The following LDLRAD4 variants were observed in gnomAD, a reference collection of about 807,000 sequenced individuals.
LDLRAD4 encodes low density lipoprotein receptor class A domain containing 4, also known as low-density lipoprotein receptor class A domain-containing protein 4.
In LDLRAD4, 5 loss-of-function variants were observed where a neutral mutation model predicts 17.0. That is an observed-to-expected ratio of 0.29 (90% CI 0.15 to 0.62). LDLRAD4 has a LOEUF of 0.62. LDLRAD4 is among the 20% of genes least tolerant of loss of function. The pLI is 0.84. For missense variants in LDLRAD4, 340 were observed against 424.7 expected (o/e 0.80, Z 1.75); for synonymous variants, 168 against 171.8 (o/e 0.98, Z 0.17).
chr18:13,379,197 C>T (rs2085152156), intron 1 of LDLRAD4, among the ~76,000 whole-genome samples: 1 of 152,204 alleles, frequency 6.6e-6, no homozygotes, highest in South Asian at 2.1e-4. Context: ...GACTTTTGTC[C>T]TCTGGCCCCT....
At chr18:13,252,735 G>C (rs1201333748) in intron 1 of LDLRAD4, among the ~76,000 whole-genome samples, 1 of 152,230 alleles carries the variant, frequency 6.6e-6, no homozygotes, top group African/African-American at 2.4e-5. Context: ...GCTTCTGTGA[G>C]GTCAAGGCCT....
At chr18:13,482,144 G>C (rs1347201136) in intron 3 of LDLRAD4, among the ~76,000 whole-genome samples, 1 of 152,116 alleles carries the variant, frequency 6.6e-6, no homozygotes, top group Non-Finnish European at 1.5e-5. Context: ...GGGAAGCCTG[G>C]CCTGTAGTGA....
chr18:13,253,189 G>A (rs947198657), intron 1 of LDLRAD4, among the ~76,000 whole-genome samples: 6 of 152,098 alleles, frequency 3.9e-5, no homozygotes, highest in East Asian at 1.9e-4. Context: ...GTCAGGACCC[G>A]AGAAGGTGAC....
At chr18:13,240,913 T>A (rs964172081) in intron 1 of LDLRAD4, 9 of 152,346 alleles carry the variant, frequency 5.9e-5, no homozygotes, top group Non-Finnish European at 1.2e-4. Flanking sequence ...GAGGCGGGCT[T>A]TTTTTTTCTT....
At chr18:13,472,582 T>C (rs2092810383) in intron 3 of LDLRAD4, 1 of 152,230 alleles carries the variant, frequency 6.6e-6, no homozygotes, top group Admixed American at 6.5e-5. Context: ...GGCGGCCTCC[T>C]CTGTCCTGTT....
intron 1 of LDLRAD4, among the ~76,000 whole-genome samples, chr18:13,258,225 A>G (rs1338137408): frequency 1.3e-5 from 2 of 152,238 alleles, no homozygotes; most frequent in Non-Finnish European, 1.5e-5. Flanking sequence ...GAAAATTCCT[A>G]AATTCTAAAT....
intron 3 of LDLRAD4, among the ~76,000 whole-genome samples, chr18:13,557,486 C>T (rs12969781): frequency 0.25 from 37,724 of 152,068 alleles, 5,782 homozygotes; most frequent in East Asian, 0.37. Context: ...CTGCAAGCTC[C>T]GCCTCCCAGG....
At chr18:13,305,682 G>A (rs894336611) in intron 1 of LDLRAD4, among the ~76,000 whole-genome samples, 1 of 152,180 alleles carries the variant, frequency 6.6e-6, no homozygotes, top group African/African-American at 2.4e-5. Context: ...ATTGAGGTTG[G>A]CAGCTGTGGT....
At chr18:13,606,507 C>A (rs1410433980) in intron 3 of LDLRAD4, among the ~76,000 whole-genome samples, 1 of 152,174 alleles carries the variant, frequency 6.6e-6, no homozygotes, top group South Asian at 2.1e-4. Flanking sequence ...TGTTAACATT[C>A]CTACCAGACG....
exon 6 of LDLRAD4, chr18:13,652,293 T>A (rs942456410): frequency 6.6e-6 from 1 of 152,268 alleles, no homozygotes; most frequent in African/African-American, 2.4e-5. Context: ...GGTATGTTGC[T>A]ATTTTTCATT....
At position 13,612,975 on chromosome 18, in the gene LDLRAD4, A is replaced by G. The variant is rs1045109840; in HGVS notation, c.182-8142A>G. 3.9e-5 allele frequency: 22 copies of G among 565,436 alleles called. No homozygotes were observed. The Middle Eastern group carries it at 1.3e-3, about 33-fold the overall frequency. The allele number at this position is 565,436 out of a possible 1,614,324, so 35.0% of individuals were successfully genotyped here. A position where few individuals can be genotyped will look rare whatever the true frequency, so the allele number is the denominator to read the frequency against. The stretch of plus-strand genomic sequence containing the variant: ...AGGAAGATGCATGTCAGGCTTTTTC[A>G]TCTTCTTTCAAGCCTGGAATTAGTT... On this transcript the variant is annotated intron_variant, in intron 3 of 5. Coordinates refer to ENST00000359446, the Ensembl canonical transcript of LDLRAD4.
intron 3 of LDLRAD4, chr18:13,526,410 G>T (rs977698540): frequency 3.3e-5 from 5 of 152,228 alleles, no homozygotes; most frequent in African/African-American, 1.2e-4. Flanking sequence ...AGATGTGTCT[G>T]TAAGAGGGGA....
At chr18:13,538,651 A>G (rs1027691145) in intron 3 of LDLRAD4, among the ~76,000 whole-genome samples, 1 of 151,706 alleles carries the variant, frequency 6.6e-6, no homozygotes, top group Admixed American at 6.6e-5. Flanking sequence ...CAGCCTCCCC[A>G]TTAGCTGGGA....
intron 1 of LDLRAD4, among the ~76,000 whole-genome samples, chr18:13,235,464 C>T (rs2042289359): frequency 6.6e-6 from 1 of 152,152 alleles, no homozygotes; most frequent in Non-Finnish European, 1.5e-5. Context: ...CGACAGCTAC[C>T]TGGAAGTCTG....
chr18:13,474,120 C>G (rs2092872339), intron 3 of LDLRAD4, among the ~76,000 whole-genome samples: 2 of 152,282 alleles, frequency 1.3e-5, no homozygotes, highest in Middle Eastern at 3.4e-3. Flanking sequence ...CTTGCTCCCC[C>G]TTTGCCTTCG....
At chr18:13,357,588 T>G (rs1599648471) in intron 1 of LDLRAD4, among the ~76,000 whole-genome samples, 2 of 152,334 alleles carry the variant, frequency 1.3e-5, no homozygotes, top group South Asian at 4.1e-4. Context: ...GAATTTGGTC[T>G]TCTTTGGCAA....
At chr18:13,515,029 C>A (rs1419197487) in intron 3 of LDLRAD4, 2 of 152,162 alleles carry the variant, frequency 1.3e-5, no homozygotes, top group African/African-American at 4.8e-5. Flanking sequence ...GGGTGGGCAA[C>A]TTTTTTTCTT....
chr18:13,359,378 G>A (rs1325825336), intron 1 of LDLRAD4, among the ~76,000 whole-genome samples: 2 of 152,116 alleles, frequency 1.3e-5, no homozygotes, highest in African/African-American at 4.8e-5. Context: ...GGGGCCTGTG[G>A]GTGCAAGGTA....
At chr18:13,332,436 G>A (rs952205862) in intron 1 of LDLRAD4, among the ~76,000 whole-genome samples, 4 of 152,148 alleles carry the variant, frequency 2.6e-5, no homozygotes, top group African/African-American at 9.7e-5. Context: ...ATAGTTTATG[G>A]TGGAGTTCAC....
Sources: gnomAD v4.1 joint callset for allele counts (sites outside exome capture counted in the v4.1 genomes callset) on GRCh38, gnomAD v4.1.1 for gene constraint, MANE v1.5 for transcripts, NCBI Gene and HGNC (gene_info 2026-07-23, HGNC 2026-07-21) for gene names.